TRIM24: variants seen among roughly 807,000 people sequenced by gnomAD.
TRIM24 encodes tripartite motif containing 24.
A neutral mutation model predicts 123.9 loss-of-function variants in TRIM24; 29 were observed. The ratio of observed to expected loss-of-function variants is 0.23; its 90% CI spans 0.17 to 0.32. TRIM24 has a LOEUF of 0.32. TRIM24 is among the 10% of genes least tolerant of loss of function. TRIM24 has a pLI of 1.00. For synonymous variants in TRIM24, 456 were observed against 461.1 expected (o/e 0.99, Z 0.14); for missense variants, 932 against 1,295.3 (o/e 0.72, Z 4.31).
At chr7:138,499,722 C>G (rs1039549485) in intron 1 of TRIM24, among the ~76,000 whole-genome samples, 12 of 152,056 alleles carry the variant, frequency 7.9e-5, no homozygotes, top group Non-Finnish European at 8.8e-5. Context: ...TGGGGCAGGG[C>G]AGGGAACTGG....
intron 11 of TRIM24, among the ~76,000 whole-genome samples, chr7:138,572,304 T>G (rs1028754034): frequency 6.6e-6 from 1 of 152,222 alleles, no homozygotes; most frequent in African/African-American, 2.4e-5. Flanking sequence ...TAAACAACTT[T>G]CCTTGTATTA....
rs1563069300 is a variant in TRIM24, at chr7:138,581,677, TTTTA to T, written c.2719-12_2719-9del. On this transcript the variant is annotated splice_polypyrimidine_tract_variant and intron_variant, in intron 16 of 18. Coordinates refer to ENST00000343526, the MANE Select transcript of TRIM24 (RefSeq NM_015905.3). ...TTGTTTTATAATATTTTATCTCAGT[TTTTA>T]TTTATTTTTGCTTAGAAGTGTGAGC... 3.8e-6 allele frequency: 6 copies of T among 1,585,228 alleles called. No homozygotes were observed. Among genetic ancestry groups the T allele is most frequent in the Non-Finnish European group, 5.2e-6 (6 of 1,159,366 alleles).
chr7:138,502,702 G>A (rs779191078), intron 1 of TRIM24, among the ~76,000 whole-genome samples: 9 of 152,094 alleles, frequency 5.9e-5, no homozygotes, highest in African/African-American at 1.2e-4. Flanking sequence ...TGAAAATTAC[G>A]TTTACTCCAT....
At chr7:138,565,060 A>T (rs1314533556) in intron 9 of TRIM24, among the ~76,000 whole-genome samples, 1 of 152,122 alleles carries the variant, frequency 6.6e-6, no homozygotes, top group Non-Finnish European at 1.5e-5. Context: ...GAACACTGTT[A>T]GTCCCGGTCA....
chr7:138,561,669 C>G (rs916833263), intron 9 of TRIM24, among the ~76,000 whole-genome samples: 3 of 152,088 alleles, frequency 2.0e-5, no homozygotes, highest in African/African-American at 7.2e-5. Flanking sequence ...ATTATGCTAC[C>G]GGGCCATGCC....
chr7:138,528,745 A>C (rs1317094629), intron 5 of TRIM24, among the ~76,000 whole-genome samples: 1 of 150,678 alleles, frequency 6.6e-6, no homozygotes, highest in Non-Finnish European at 1.5e-5. Context: ...ACATGTTCAG[A>C]ATCATCATGG....
chr7:138,524,696 A>G (rs1000375627), intron 4 of TRIM24, among the ~76,000 whole-genome samples: 1 of 152,120 alleles, frequency 6.6e-6, no homozygotes, highest in African/African-American at 2.4e-5. Flanking sequence ...AAAGTAAATC[A>G]TCTTTCCTCA....
intron 9 of TRIM24, among the ~76,000 whole-genome samples, chr7:138,566,725 G>A (rs979611086): frequency 1.3e-5 from 2 of 152,046 alleles, no homozygotes; most frequent in African/African-American, 4.8e-5. Flanking sequence ...CAAAACAAAG[G>A]TAATAATACC....
intron 11 of TRIM24, 91 bp from the exon 12 acceptor site, chr7:138,573,416 T>C: frequency 1.8e-6 from 1 of 550,354 alleles, no homozygotes; most frequent in Non-Finnish European, 2.4e-6. Flanking sequence ...TCGATAATAA[T>C]TATTAAGTTA....
chr7:138,545,897 A>G (rs1488256958), intron 7 of TRIM24, among the ~76,000 whole-genome samples: 3 of 152,240 alleles, frequency 2.0e-5, no homozygotes, highest in Non-Finnish European at 2.9e-5. Flanking sequence ...ACTGAATTAA[A>G]TAAGATTACA....
chr7:138,563,129 G>C (rs1464365412), intron 9 of TRIM24, among the ~76,000 whole-genome samples: 1 of 152,160 alleles, frequency 6.6e-6, no homozygotes, highest in Non-Finnish European at 1.5e-5. Context: ...AAGTCCATTA[G>C]CTGGCCCCCC....
rs10548154 is a variant in TRIM24 at position 138,550,318 on chromosome 7, GGTGTGT to G, written c.1144-723_1144-718del. On this transcript the variant is annotated intron_variant, in intron 7 of 18. Coordinates refer to ENST00000343526, the MANE Select transcript of TRIM24 (RefSeq NM_015905.3). The stretch of plus-strand genomic sequence containing the variant: ...TTGAGTGAGAGAAAGAGGAGTTGAT[GGTGTGT>G]GTGTGTGTGTGTGTGTGTGTGCAAA... Among the ~76,000 whole-genome samples the G allele has an allele frequency of 4.4e-3, 644 of 147,572 alleles. 5 individuals carry two copies. The highest frequency in any genetic ancestry group is 0.016 in the African/African-American group (628 of 40,128).
At chr7:138,547,586 A>G (rs566778206) in intron 7 of TRIM24, among the ~76,000 whole-genome samples, 8 of 152,354 alleles carry the variant, frequency 5.3e-5, no homozygotes, top group Non-Finnish European at 8.8e-5. Context: ...TAGATAAAAC[A>G]TAGTTCTTAG....
chr7:138,523,089 A>C (rs1483640843), intron 4 of TRIM24, among the ~76,000 whole-genome samples: 1 of 152,214 alleles, frequency 6.6e-6, no homozygotes, highest in Non-Finnish European at 1.5e-5. Context: ...TAAAAGAAAC[A>C]TAATAAAGAC....
intron 7 of TRIM24, among the ~76,000 whole-genome samples, chr7:138,547,663 A>G (rs1797128617): frequency 6.6e-6 from 1 of 152,152 alleles, no homozygotes; most frequent in Admixed American, 6.5e-5. Context: ...ACCTAGTCCC[A>G]AAATAAGTTA....
intron 1 of TRIM24, among the ~76,000 whole-genome samples, chr7:138,469,704 C>T (rs567698820): frequency 3.5e-4 from 53 of 152,218 alleles, no homozygotes; most frequent in Middle Eastern, 3.4e-3. Flanking sequence ...GTGTGGCACA[C>T]CACATATGCA....
chr7:138,565,245 G>T (rs1797512728), intron 9 of TRIM24, among the ~76,000 whole-genome samples: 1 of 152,052 alleles, frequency 6.6e-6, no homozygotes, highest in South Asian at 2.1e-4. Flanking sequence ...GTCCTGGGTT[G>T]GTTGGGGTGT....
chr7:138,570,654 T>C (rs538334369), intron 10 of TRIM24, among the ~76,000 whole-genome samples, 176 bp from the exon 11 acceptor site: 1 of 151,984 alleles, frequency 6.6e-6, no homozygotes, highest in South Asian at 2.1e-4. Flanking sequence ...GTTTTTTTTT[T>C]TTTTTGACAA....
chr7:138,505,509 G>GTTGTTGTT (rs1554436148), intron 2 of TRIM24, among the ~76,000 whole-genome samples: 3,260 of 143,888 alleles, frequency 0.023, 35 homozygotes, highest in Middle Eastern at 0.042. Flanking sequence ...TGGGGGTGGT[G>GTTGTTGTT]GTTGTTGTTG....
Sources: gnomAD v4.1 joint callset for allele counts (sites outside exome capture counted in the v4.1 genomes callset) on GRCh38, gnomAD v4.1.1 for gene constraint, MANE v1.5 for transcripts, NCBI Gene and HGNC (gene_info 2026-07-23, HGNC 2026-07-21) for gene names.